The following SHISA9 variants were observed in gnomAD, a reference collection of about 807,000 sequenced individuals.
SHISA9 encodes the protein shisa family member 9.
A neutral mutation model predicts 38.0 loss-of-function variants in SHISA9; 13 were observed. The ratio of observed to expected loss-of-function variants is 0.34; its 90% confidence interval spans 0.22 to 0.54. The LOEUF is 0.54. Among genes scored for constraint, SHISA9 ranks in the 20% least tolerant of loss-of-function variants. The probability of loss-of-function intolerance (pLI) is 0.91; values close to 1 mark genes in which losing one functional copy is unlikely to be tolerated. For synonymous variants in SHISA9, 275 were observed against 242.0 expected, an observed-to-expected ratio of 1.14 and a Z score of -1.27; for missense variants, 538 against 575.8, an observed-to-expected ratio of 0.93 and a Z score of 0.67.
chr16:12,901,890 TGAGCC>T lies in SHISA9; in HGVS notation c.-170_-166del. 3.7e-6 allele frequency: 1 copy of T among 270,630 alleles called. No individual in the cohort carries two copies. Among genetic ancestry groups the T allele is most frequent in the Non-Finnish European group, 6.3e-6 (1 of 158,706 alleles). 16.8% of individuals were successfully genotyped at this position (270,630 alleles called of 1,614,324 possible). On this transcript the variant is annotated 5_prime_UTR_variant, in exon 1 of 5. Coordinates refer to ENST00000558583, the MANE Select transcript of SHISA9 (RefSeq NM_001145204.3). ...AACGCGGGCTGAGGCGAACGCGGGCTGAGCCGAGCGCAGTGGCCGCCGACCACCGA... is the reference window on the plus strand; with the variant it reads ...AACGCGGGCTGAGGCGAACGCGGGCTGAGCGCAGTGGCCGCCGACCACCGA...
intron 3 of SHISA9, among the ~76,000 whole-genome samples, chr16:13,208,052 C>T (rs2051082874): frequency 6.6e-6 from 1 of 152,152 alleles, no homozygotes; most frequent in Non-Finnish European, 1.5e-5. Flanking sequence ...GGAAGATGAT[C>T]AGAGGCTCTG....
chr16:13,359,478 A>G, the SHISA9 span, among the ~76,000 whole-genome samples: 1 of 152,198 alleles, frequency 6.6e-6, no homozygotes, highest in South Asian at 2.1e-4. Flanking sequence ...GTGAGACTCC[A>G]TCTCAGAAAA....
At chr16:13,298,966 C>A in the SHISA9 span, among the ~76,000 whole-genome samples, 1 of 152,164 alleles carries the variant, frequency 6.6e-6, no homozygotes, top group Non-Finnish European at 1.5e-5. Flanking sequence ...TGCCTGGAAG[C>A]CTTTCCCAGA....
chr16:13,552,805 C>G, the SHISA9 span, among the ~76,000 whole-genome samples: 1 of 151,874 alleles, frequency 6.6e-6, no homozygotes, highest in Admixed American at 6.6e-5. Flanking sequence ...CTCTTCACTT[C>G]TAATAATTGG....
intron 2 of SHISA9, among the ~76,000 whole-genome samples, chr16:13,059,212 C>A (rs1185826380): frequency 2.0e-5 from 3 of 150,532 alleles, no homozygotes; most frequent in African/African-American, 7.3e-5. Context: ...ATTGCAAGCT[C>A]CCCCTCCCGG....
Position 12,913,910 on chromosome 16 carries a change from C to T in SHISA9, c.564-2778C>T, listed in dbSNP as rs571480954. Among the ~76,000 whole-genome samples the T allele has an allele frequency of 2.0e-5, 3 of 152,244 alleles. No homozygotes were observed. The East Asian group carries it at 5.8e-4, about 29-fold the overall frequency. ...CACATCTCGTGTGTCCATTCATCAG[C>T]TGACGGCCATTCAGGTTGTTTCCGC... is the stretch of plus-strand genomic sequence containing the variant. On this transcript the variant is annotated intron_variant, in intron 1 of 4. Coordinates refer to ENST00000558583, the MANE Select transcript of SHISA9 (RefSeq NM_001145204.3).
chr16:12,909,616 TC>T, intron 1 of SHISA9: 1 of 985,230 alleles, frequency 1.0e-6, no homozygotes, highest in Non-Finnish European at 1.2e-6. Flanking sequence ...GTGTGGCTGG[TC>T]CCTCCTCATC....
At chr16:12,989,369 G>A (rs1030956810) in intron 2 of SHISA9, among the ~76,000 whole-genome samples, 8 of 151,980 alleles carry the variant, frequency 5.3e-5, no homozygotes, top group African/African-American at 1.9e-4. Context: ...GTAGAGATGG[G>A]GTTTCACCAT....
At chr16:13,366,511 A>G in the SHISA9 span, among the ~76,000 whole-genome samples, 1 of 152,288 alleles carries the variant, frequency 6.6e-6, no homozygotes, top group Non-Finnish European at 1.5e-5. Context: ...GGTGACATCA[A>G]TGCTGCCCAT....
intron 2 of SHISA9, among the ~76,000 whole-genome samples, chr16:13,195,980 C>T (rs919001341): frequency 1.1e-4 from 16 of 145,264 alleles, no homozygotes; most frequent in East Asian, 4.2e-4. Context: ...GCCAGCTACT[C>T]GGGAGGCTGA....
intron 2 of SHISA9, among the ~76,000 whole-genome samples, chr16:13,180,501 C>G (rs909911280): frequency 6.6e-6 from 1 of 152,262 alleles, no homozygotes; most frequent in Admixed American, 6.5e-5. Flanking sequence ...AGTTCGAGAC[C>G]AGCCTGAGCC....
the SHISA9 span, among the ~76,000 whole-genome samples, chr16:13,463,792 C>G: frequency 6.6e-6 from 1 of 152,208 alleles, no homozygotes; most frequent in Non-Finnish European, 1.5e-5. Flanking sequence ...ATTCCCGTGT[C>G]ACATCCCTTC....
At chr16:13,116,502 T>C (rs1048308444) in intron 2 of SHISA9, among the ~76,000 whole-genome samples, 4 of 152,164 alleles carry the variant, frequency 2.6e-5, no homozygotes, top group African/African-American at 9.7e-5. Context: ...GGGATGTCTG[T>C]TAAGAGCTGG....
the SHISA9 span, among the ~76,000 whole-genome samples, chr16:13,283,471 T>C: frequency 2.0e-5 from 3 of 151,934 alleles, no homozygotes; most frequent in Non-Finnish European, 4.4e-5. Flanking sequence ...CTCACAATCG[T>C]AGTGGAAGGC....
chr16:13,217,659 A>G lies in SHISA9; in HGVS notation c.895+4359A>G, dbSNP rs1167381601. Among the ~76,000 whole-genome samples, 3 of 152,324 alleles carry G rather than the reference A, an allele frequency of 2.0e-5. No homozygotes were observed. The East Asian group carries it at 5.8e-4, about 29-fold the overall frequency. On this transcript the variant is annotated intron_variant, in intron 4 of 4. Coordinates refer to ENST00000558583, the MANE Select transcript of SHISA9 (RefSeq NM_001145204.3). Reference sequence around the variant, plus strand: ...GTGCTAAATAAGAGTAAAAGAGGCCAGTACTCACAAAGTCTCCATTTATCT... The same window carrying G: ...GTGCTAAATAAGAGTAAAAGAGGCCGGTACTCACAAAGTCTCCATTTATCT...
the SHISA9 span, among the ~76,000 whole-genome samples, chr16:13,469,365 A>AAGAAAAGAAAAAGAAAG: frequency 1.0e-3 from 66 of 64,474 alleles, no homozygotes; most frequent in Middle Eastern, 6.3e-3. Context: ...AAAGAAAAGA[A>AAGAAAAGAAAAAGAAAG]AAAGAAAGAA....
chr16:13,495,253 C>G, the SHISA9 span, among the ~76,000 whole-genome samples: 1 of 152,042 alleles, frequency 6.6e-6, no homozygotes, highest in Non-Finnish European at 1.5e-5. Flanking sequence ...TGAGTAAGAT[C>G]TGTAGTGTAG....
chr16:12,962,708 G>A (rs1285112011), intron 2 of SHISA9, among the ~76,000 whole-genome samples: 1 of 152,192 alleles, frequency 6.6e-6, no homozygotes, highest in Non-Finnish European at 1.5e-5. Context: ...AGAAATAAAT[G>A]TCTGTTGTTT....
At chr16:12,969,186 G>A (rs1226672293) in intron 2 of SHISA9, among the ~76,000 whole-genome samples, 1 of 151,084 alleles carries the variant, frequency 6.6e-6, no homozygotes, top group Non-Finnish European at 1.5e-5. Context: ...AAAAAAAAAC[G>A]GAGGTGCACA....
Sources: allele counts gnomAD v4.1 joint callset (sites outside exome capture counted in the v4.1 genomes callset), GRCh38; gene constraint gnomAD v4.1.1; transcripts MANE v1.5; gene names NCBI Gene and HGNC (gene_info 2026-07-23, HGNC 2026-07-21).